MROH1: variants seen among roughly 807,000 people sequenced by gnomAD.
MROH1 encodes maestro heat-like repeat-containing protein family member 1.
MROH1 carries 117 observed loss-of-function variants against 116.5 expected under a neutral mutation model. The observed-to-expected ratio is 1.00, with a 90% CI of 0.86 to 1.17. MROH1 has a LOEUF of 1.17. Ranked by LOEUF, MROH1 falls within the 50% of genes most tolerant of loss-of-function variation. The probability of loss-of-function intolerance (pLI) is 0.00; values close to 1 mark genes in which losing one functional copy is unlikely to be tolerated. For missense variants in MROH1, 1,873 were observed against 1,338.5 expected (o/e 1.40, Z -6.23); for synonymous variants, 921 against 583.9 (o/e 1.58, Z -8.32).
intron 35 of MROH1, among the ~76,000 whole-genome samples, chr8:144,256,772 G>A (rs906441072): frequency 2.6e-5 from 4 of 152,254 alleles, no homozygotes; most frequent in African/African-American, 4.8e-5. Context: ...AAACAAGGGA[G>A]GCACCCTCAT....
Position 144,199,187 on chromosome 8 carries a change from C to T in MROH1, c.1014C>T (p.Cys338=). ...VMSNQKEVLR[C]FTVLACSSPD... is the part of the protein sequence containing the mutation. ...GTAACCAGAAGGAGGTGCTGCGCTG[C>T]TTCACTGTGCTGGGTGAGTGGTGGG... Residue 338 remains cysteine (C), a synonymous_variant, in exon 11 of 44, where the codon TGC becomes TGT. Coordinates refer to ENST00000326134, the MANE Select transcript of MROH1 (RefSeq NM_032450.3). The T allele has an allele frequency of 2.5e-6, 4 of 1,613,214 alleles. No individual in the cohort carries two copies. The highest frequency in any genetic ancestry group is 3.4e-6 in the Non-Finnish European group (4 of 1,179,632).
intron 1 of MROH1, among the ~76,000 whole-genome samples, chr8:144,150,333 C>G (rs1816408514): frequency 2.0e-5 from 3 of 152,218 alleles, no homozygotes; most frequent in Non-Finnish European, 4.4e-5. Flanking sequence ...TGCCTGCCAC[C>G]TTCTCCCATT....
chr8:144,211,736 AAAAAG>A (rs1216795361), intron 12 of MROH1, among the ~76,000 whole-genome samples: 4 of 152,078 alleles, frequency 2.6e-5, no homozygotes, highest in African/African-American at 4.8e-5. Context: ...CAAAAAAAAA[AAAAAG>A]AAAAAGAAAG....
chr8:144,220,273 C>T (rs1263907602), intron 12 of MROH1, among the ~76,000 whole-genome samples: 4 of 152,138 alleles, frequency 2.6e-5, no homozygotes, highest in Non-Finnish European at 4.4e-5. Flanking sequence ...GTGCTTAATC[C>T]GCCTTCAGTG....
At chr8:144,203,898 G>A (rs1832251759) in intron 12 of MROH1, among the ~76,000 whole-genome samples, 1 of 152,138 alleles carries the variant, frequency 6.6e-6, no homozygotes, top group African/African-American at 2.4e-5. Context: ...ACTTCCCTTT[G>A]TTAATTCATC....
intron 18 of MROH1, 23 bp downstream of exon 18, chr8:144,239,778 G>T (rs1381281511): frequency 1.4e-6 from 1 of 716,864 alleles, no homozygotes; most frequent in Admixed American, 2.0e-5. Flanking sequence ...TCAGGATGGG[G>T]TGCATAGCCC....
chr8:144,250,566 C>T (rs1411520985), intron 33 of MROH1, 200 bp downstream of exon 33: 68 of 647,208 alleles, frequency 1.1e-4, no homozygotes, highest in South Asian at 9.1e-4. Flanking sequence ...CCTCTCCAGG[C>T]GTTTTGGGAT....
intron 35 of MROH1, 97 bp downstream of exon 35, chr8:144,255,802 C>G: frequency 1.5e-6 from 1 of 665,210 alleles, no homozygotes; most frequent in Non-Finnish European, 2.8e-6. Flanking sequence ...ATCTGAACCA[C>G]GGGGAGTGTG....
At chr8:144,224,779 G>A (rs1837486052) in intron 14 of MROH1, among the ~76,000 whole-genome samples, 4 of 152,172 alleles carry the variant, frequency 2.6e-5, no homozygotes, top group Non-Finnish European at 2.9e-5. Flanking sequence ...GAGGGGGTGA[G>A]CGGCAGCGGC....
chr8:144,207,389 T>C (rs149067187), intron 12 of MROH1, among the ~76,000 whole-genome samples: 2 of 152,174 alleles, frequency 1.3e-5, no homozygotes, highest in South Asian at 2.1e-4. Context: ...GGTTTCACCA[T>C]GTTGGCCAGG....
chr8:144,187,905 G>C (rs978097866), intron 7 of MROH1, among the ~76,000 whole-genome samples: 98 of 152,174 alleles, frequency 6.4e-4, no homozygotes, highest in African/African-American at 2.4e-3. Flanking sequence ...CCAGGTGGGG[G>C]TGTAGGAAGC....
At chr8:144,221,400 G>A (rs998217690) in intron 13 of MROH1, among the ~76,000 whole-genome samples, 8 of 152,162 alleles carry the variant, frequency 5.3e-5, no homozygotes, top group Non-Finnish European at 1.2e-4. Context: ...AGCTTTGGGC[G>A]GGTGGATCTT....
chr8:144,166,017 T>A (rs2130926170), intron 3 of MROH1, among the ~76,000 whole-genome samples: 1 of 152,234 alleles, frequency 6.6e-6, no homozygotes, highest in South Asian at 2.1e-4. Context: ...TAGCTGGGAC[T>A]ATAGGTACCT....
rs1245729056 is a variant in MROH1, at chr8:144,261,060, C to A, written c.4671+19C>A. 1.6e-4 allele frequency: 31 copies of A among 191,764 alleles called. No homozygotes were observed. The highest frequency in any genetic ancestry group is 2.9e-4 in the Non-Finnish European group (27 of 92,838). 11.9% of individuals were successfully genotyped at this position (191,764 alleles called of 1,614,324 possible). Reference sequence around the variant, plus strand: ...GCACCTGGTGAGGGGTGGGGCCAGGCGGGGCGTGGTGGGTGGGGCGGGGCC... The same window carrying A: ...GCACCTGGTGAGGGGTGGGGCCAGGAGGGGCGTGGTGGGTGGGGCGGGGCC... On this transcript the variant is annotated intron_variant, in intron 41 of 43. Coordinates refer to ENST00000326134, the MANE Select transcript of MROH1 (RefSeq NM_032450.3).
Position 144,242,422 on chromosome 8 carries a change from T to C in MROH1, c.2232T>C (p.Tyr744=). The change falls in exon 23 of 44, where the codon TAT becomes TAC. Residue 744 remains tyrosine, a synonymous_variant. Coordinates refer to ENST00000326134, the MANE Select transcript of MROH1 (RefSeq NM_032450.3). The stretch of plus-strand genomic sequence containing the variant: ...TGAAGAGTGCTCTGATCCTGTGCTA[T>C]GGGCACGTGGCGGCCCGGGCCCCCC... ...EKVKSALILC[Y]GHVAARAPRE... 6.4e-6 allele frequency: 5 copies of C among 780,698 alleles called. No individual in the cohort carries two copies. The highest frequency in any genetic ancestry group is 2.4e-5 in the East Asian group (1 of 41,240). The allele number at this position is 780,698 out of a possible 1,614,324, so 48.4% of individuals were successfully genotyped here.
rs961118095 is a variant in MROH1, at chr8:144,255,617, G to A, written c.3703G>A (p.Val1235Met). ...GCTTCTGCTGCGCGTCAGCTGCACC[G>A]TGGGTGTCCAGCTGCCCCGGAACCT... ...VVLLLRVSCT[V>M]GVQLPRNLQA... Residue 1235 changes from valine (V) to methionine (M), a missense_variant, in exon 35 of 44, where the codon GTG (valine) becomes ATG (methionine). Coordinates refer to ENST00000326134, the MANE Select transcript of MROH1 (RefSeq NM_032450.3). 50 of 777,698 alleles carry A rather than the reference G, an allele frequency of 6.4e-5. No homozygotes were observed. The highest frequency in any genetic ancestry group is 3.7e-4 in the African/African-American group (22 of 59,230). The allele number at this position is 777,698 out of a possible 1,614,324, so 48.2% of individuals were successfully genotyped here. A position where few individuals can be genotyped will look rare whatever the true frequency, so the allele number is the denominator to read the frequency against.
At chr8:144,254,516 T>G in intron 33 of MROH1, 1 of 338,342 alleles carries the variant, frequency 3.0e-6, no homozygotes, top group Non-Finnish European at 5.4e-6. Flanking sequence ...CAGGGAAGAT[T>G]TGTTCTCCCT....
At chr8:144,149,097 T>C (rs1816118605) in intron 1 of MROH1, among the ~76,000 whole-genome samples, 1 of 151,944 alleles carries the variant, frequency 6.6e-6, no homozygotes, top group African/African-American at 2.4e-5. Context: ...TGACCATGGA[T>C]GGAGATGTCC....
At chr8:144,156,738 C>T (rs1306506375) in intron 1 of MROH1, among the ~76,000 whole-genome samples, 1 of 139,214 alleles carries the variant, frequency 7.2e-6, no homozygotes, top group Non-Finnish European at 1.5e-5. Flanking sequence ...AAAGAATTTG[C>T]ACATCTGTGT....
Sources: gnomAD v4.1 joint callset for allele counts (sites outside exome capture counted in the v4.1 genomes callset) on GRCh38, gnomAD v4.1.1 for gene constraint, MANE v1.5 for transcripts, NCBI Gene and HGNC (gene_info 2026-07-23, HGNC 2026-07-21) for gene names.